The following SEC14L1 variants were observed in gnomAD, a reference collection of about 807,000 sequenced individuals.
SEC14L1 encodes the protein SEC14 like lipid binding 1.
A neutral mutation model predicts 85.3 loss-of-function variants in SEC14L1; 48 were observed. That is an observed-to-expected ratio of 0.56 (90% confidence interval 0.45 to 0.72). The LOEUF (loss-of-function observed/expected upper bound fraction) is 0.72, where lower values mean the gene tolerates loss of function less well. Among genes scored for constraint, SEC14L1 ranks in the 30% least tolerant of loss-of-function variants. The pLI is 0.00. For synonymous variants in SEC14L1, 391 were observed against 355.5 expected, an observed-to-expected ratio of 1.10 and a Z score of -1.12; for missense variants, 682 against 921.4, an observed-to-expected ratio of 0.74 and a Z score of 3.36.
intron 3 of SEC14L1, among the ~76,000 whole-genome samples, chr17:77,156,977 A>G (rs936278992): frequency 6.6e-6 from 1 of 152,198 alleles, no homozygotes; most frequent in African/African-American, 2.4e-5. Context: ...AATTTATTTT[A>G]AGTAAAATTC....
intron 3 of SEC14L1, among the ~76,000 whole-genome samples, chr17:77,186,504 C>T (rs1975273834): frequency 6.6e-6 from 1 of 152,258 alleles, no homozygotes; most frequent in Non-Finnish European, 1.5e-5. Flanking sequence ...TCATGGATGT[C>T]ATTGACTCCC....
chr17:77,202,764 C>A (rs1379678960), intron 9 of SEC14L1, among the ~76,000 whole-genome samples: 2 of 151,276 alleles, frequency 1.3e-5, no homozygotes, highest in Admixed American at 6.6e-5. Context: ...TAGTAAAATA[C>A]AAAAAATTAG....
chr17:77,138,041 G>C (rs1274275984), upstream of SEC14L1, among the ~76,000 whole-genome samples: 1 of 152,124 alleles, frequency 6.6e-6, no homozygotes, highest in Admixed American at 6.5e-5. Context: ...AGTGAGCCAG[G>C]AGTGCTGATT....
At chr17:77,171,568 T>C (rs1250372414) in intron 3 of SEC14L1, among the ~76,000 whole-genome samples, 1 of 152,254 alleles carries the variant, frequency 6.6e-6, no homozygotes, top group Non-Finnish European at 1.5e-5. Context: ...TGAATTATTA[T>C]GTCCCTGTGG....
rs2080204890 is a variant in SEC14L1 at position 77,209,339 on chromosome 17, C to G, written c.1477-3C>G. 3 of 1,613,952 alleles carry G rather than the reference C, an allele frequency of 1.9e-6. No homozygotes were observed. ...GGTTTCACTGCTGTGTTTCTTCTTC[C>G]AGTGCGAAGTGCCAGAGGGTGGACT... On this transcript the variant is annotated splice_region_variant and splice_polypyrimidine_tract_variant and intron_variant, in intron 13 of 16. Transcript: ENST00000436233.
Position 77,213,898 on chromosome 17 carries a change from C to A in SEC14L1, c.2043-20C>A. 6.2e-7 allele frequency: 1 copy of A among 1,611,512 alleles called. No homozygotes were observed. Among genetic ancestry groups the A allele is most frequent in the South Asian group, 1.1e-5 (1 of 90,730 alleles). On this transcript the variant is annotated intron_variant, in intron 16 of 16. Coordinates refer to ENST00000436233, the MANE Select transcript of SEC14L1 (RefSeq NM_001143998.2). This position sits in a 1 kb window ranked among gnomAD's most constrained non-coding sequence, Gnocchi z 7.1. Reference sequence around the variant, plus strand: ...TGGCAGGGTGGTCCTCACGCCTCGCCCCTCCCTGTGCCATTACAGAGGTTC... The same window carrying A: ...TGGCAGGGTGGTCCTCACGCCTCGCACCTCCCTGTGCCATTACAGAGGTTC...
chr17:77,142,562 A>G (rs1973106636), intron 1 of SEC14L1, 84 bp from the exon 2 acceptor site: 1 of 151,024 alleles, frequency 6.6e-6, no homozygotes, highest in South Asian at 2.0e-4. Context: ...TGTCTCAAAA[A>G]AAAAAAAAAA....
Position 77,121,327 on chromosome 17 carries a change from A to G in SEC14L1, c.-135-21319A>G, listed in dbSNP as rs1972290009. ...TTCGGGAAGTTGGCAAATATTTTGA[A>G]TAATGGCCACTATTTATTGAGGCCA... On this transcript the variant is annotated intron_variant, in intron 3 of 19. Transcript: ENST00000392476. 2.0e-5 allele frequency among the ~76,000 whole-genome samples: 3 copies of G among 152,158 alleles called. No individual in the cohort carries two copies. The South Asian group carries it at 6.2e-4, about 31-fold the overall frequency.
At chr17:77,193,589 G>T (rs780993690) in intron 6 of SEC14L1, 40 bp downstream of exon 6, 3 of 1,577,958 alleles carry the variant, frequency 1.9e-6, no homozygotes, top group Non-Finnish European at 2.6e-6. Flanking sequence ...GGGTGGGCAG[G>T]AGTCTCTGAG....
rs942375984 is a variant in SEC14L1, at chr17:77,214,789, C to T, written c.*766C>T. 4 of 985,336 alleles carry T rather than the reference C, an allele frequency of 4.1e-6. No individual in the cohort carries two copies. Among genetic ancestry groups the T allele is most frequent in the South Asian group, 9.4e-5 (2 of 21,290 alleles). 61.0% of individuals were successfully genotyped at this position (985,336 alleles called of 1,614,324 possible). A position where few individuals can be genotyped will look rare whatever the true frequency, so the allele number is the denominator to read the frequency against. ...TGAACTTGGGTGGGGGGGTTCTTCC[C>T]GTTTCCTTCCGTGCGTCGCCCCTCT... On this transcript the variant is annotated 3_prime_UTR_variant, in exon 17 of 17. Coordinates refer to ENST00000436233, the MANE Select transcript of SEC14L1 (RefSeq NM_001143998.2).
rs764477669 is a variant in SEC14L1, at chr17:77,213,395, C to T, written c.1945C>T (p.Leu649Phe). Reference protein sequence around the residue: ...HSMPACAASSLPRVDDVLASL... With the variant: ...HSMPACAASSFPRVDDVLASL... ...CATGCCTGCGTGCGCCGCCAGCAGC[C>T]TTCCCCGGGTGGACGACGTGCTTGC... The change falls in exon 16 of 17, where the codon CTT becomes TTT. Residue 649 changes from leucine to phenylalanine, a missense_variant. Leu to Phe is a conservative substitution (Grantham distance 22, BLOSUM62 0). Around this residue, in one of 3 missense-constraint regions of SEC14L1, gnomAD observed 420 missense variants for 619.5 expected, o/e 0.68. Coordinates refer to ENST00000436233, the MANE Select transcript of SEC14L1 (RefSeq NM_001143998.2). The surrounding 1 kb of genome is among the most constrained non-coding windows in gnomAD (Gnocchi z 7.1). 6.2e-7 allele frequency: 1 copy of T among 1,613,608 alleles called. No homozygotes were observed. The highest frequency in any genetic ancestry group is 8.5e-7 in the Non-Finnish European group (1 of 1,180,018).
chr17:77,213,283 C>A lies in SEC14L1; in HGVS notation c.1864-31C>A, dbSNP rs372353392. 9.5e-6 allele frequency: 15 copies of A among 1,573,298 alleles called. No homozygotes were observed. Among genetic ancestry groups the A allele is most frequent in the Admixed American group, 1.8e-5 (1 of 57,000 alleles). On this transcript the variant is annotated intron_variant, in intron 15 of 16. Coordinates refer to ENST00000436233, the MANE Select transcript of SEC14L1 (RefSeq NM_001143998.2). The surrounding 1 kb of genome is among the most constrained non-coding windows in gnomAD (Gnocchi z 7.1). ...TAGGCCAGGGGTCGGAAGCGAGTCG[C>A]CCTCAGCTGCCACTGCCCTACTTGT... is the stretch of plus-strand genomic sequence containing the variant.
intron 3 of SEC14L1, among the ~76,000 whole-genome samples, chr17:77,168,561 TG>T (rs1361988426): frequency 2.0e-5 from 3 of 152,234 alleles, no homozygotes; most frequent in Non-Finnish European, 4.4e-5. Context: ...AGACTTGTGA[TG>T]GGGTCATTTA....
At chr17:77,192,930 G>A (rs1049675510) in intron 5 of SEC14L1, among the ~76,000 whole-genome samples, 9 of 152,194 alleles carry the variant, frequency 5.9e-5, no homozygotes, top group South Asian at 2.1e-4. Flanking sequence ...CCAAAGTGTC[G>A]GGATTGCAGG....
chr17:77,100,908 A>G (rs969357072), intron 3 of SEC14L1, among the ~76,000 whole-genome samples: 2 of 152,174 alleles, frequency 1.3e-5, no homozygotes, highest in Admixed American at 1.3e-4. Flanking sequence ...TATTGTATGC[A>G]GGGGTCAGGC....
At chr17:77,126,146 G>A (rs546322973) in intron 3 of SEC14L1, among the ~76,000 whole-genome samples, 13 of 152,256 alleles carry the variant, frequency 8.5e-5, no homozygotes, top group African/African-American at 1.9e-4. Flanking sequence ...GCGAGACTCC[G>A]TCTCAAAAAA....
intron 3 of SEC14L1, among the ~76,000 whole-genome samples, chr17:77,105,312 G>T (rs1007254478): frequency 3.6e-4 from 54 of 150,314 alleles, no homozygotes; most frequent in Non-Finnish European, 6.5e-4. Context: ...GGGCTCAAGT[G>T]TGTGGTCAGT....
At chr17:77,100,332 T>C (rs960988875) in intron 3 of SEC14L1, among the ~76,000 whole-genome samples, 1 of 151,866 alleles carries the variant, frequency 6.6e-6, no homozygotes, top group Admixed American at 6.5e-5. Flanking sequence ...CGCCCTGCGC[T>C]GCAGTGTGTG....
rs926210919 is a variant in SEC14L1 at position 77,214,040 on chromosome 17, C to T, written c.*17C>T. 1.9e-6 allele frequency: 3 copies of T among 1,609,754 alleles called. No homozygotes were observed. Among genetic ancestry groups the T allele is most frequent in the African/African-American group, 2.7e-5 (2 of 74,796 alleles). On this transcript the variant is annotated 3_prime_UTR_variant, in exon 17 of 17. Coordinates refer to ENST00000436233, the MANE Select transcript of SEC14L1 (RefSeq NM_001143998.2). ...TCCAGGTAGTGCCGCGCTGCCTGCA[C>T]CTAGTGTGCAGAGGGGACGGCCGCC... is the stretch of plus-strand genomic sequence containing the variant.
Sources: allele counts gnomAD v4.1 joint callset (sites outside exome capture counted in the v4.1 genomes callset), GRCh38; gene constraint gnomAD v4.1.1; regional missense constraint gnomAD v4.1.1; non-coding constraint Gnocchi (gnomAD v3.1); transcripts MANE v1.5; gene names NCBI Gene and HGNC (gene_info 2026-07-23, HGNC 2026-07-21).